The following CIMAP1D variants were observed in gnomAD, a reference collection of about 807,000 sequenced individuals.
The protein encoded by CIMAP1D is CIMAP1 family member D.
chr19:469,220 A>ATG, the CIMAP1D span, among the ~76,000 whole-genome samples: 3 of 147,286 alleles, frequency 2.0e-5, no homozygotes, highest in Non-Finnish European at 3.0e-5. Flanking sequence ...GGCTGGGGAG[A>ATG]TTCTTTTTTT....
the CIMAP1D span, among the ~76,000 whole-genome samples, chr19:482,456 T>C: frequency 6.6e-6 from 1 of 152,062 alleles, no homozygotes; most frequent in East Asian, 1.9e-4. Context: ...GGACCAGGAG[T>C]GCTGATGACA....
the CIMAP1D span, among the ~76,000 whole-genome samples, chr19:468,752 T>A: frequency 0.83 from 121,802 of 147,024 alleles, 50,687 homozygotes; most frequent in East Asian, 0.94. Flanking sequence ...GCACACATGC[T>A]GTACATGTGG....
the CIMAP1D span, among the ~76,000 whole-genome samples, chr19:470,421 C>A: frequency 6.6e-6 from 1 of 151,922 alleles, no homozygotes. Context: ...CCATGTTAGC[C>A]AGGATGGTCT....
chr19:483,599 A>C, the CIMAP1D span, among the ~76,000 whole-genome samples: 1 of 152,194 alleles, frequency 6.6e-6, no homozygotes, highest in Admixed American at 6.5e-5. Flanking sequence ...GGTCGTCACG[A>C]CTGGGGGAGC....
the CIMAP1D span, among the ~76,000 whole-genome samples, chr19:482,288 T>C: frequency 7.2e-3 from 1,103 of 152,302 alleles, 9 homozygotes; most frequent in African/African-American, 0.025. Flanking sequence ...ACAGTTCCAG[T>C]GCTCCAGCGT....
At chr19:466,660 AGGTG>A in the CIMAP1D span, among the ~76,000 whole-genome samples, 3 of 48,748 alleles carry the variant, frequency 6.2e-5, no homozygotes, top group Middle Eastern at 0.013. Flanking sequence ...GTGGGTGGGT[AGGTG>A]GGTGGATGGA....
chr19:463,790 G>C, the CIMAP1D span: 1 of 1,510,670 alleles, frequency 6.6e-7, no homozygotes, highest in South Asian at 1.2e-5. Context: ...CCAAAGCCAG[G>C]CCCCAGGAGA....
the CIMAP1D span, among the ~76,000 whole-genome samples, chr19:468,830 CGCAG>C: frequency 4.5e-5 from 2 of 44,730 alleles, no homozygotes; most frequent in Non-Finnish European, 2.4e-4. Flanking sequence ...GTCCGTGGCA[CGCAG>C]TGTGGCCCAG....
chr19:476,487 G>A, the CIMAP1D span, among the ~76,000 whole-genome samples: 5 of 152,142 alleles, frequency 3.3e-5, no homozygotes, highest in African/African-American at 9.7e-5. Context: ...ACCGTGCCTG[G>A]CCTGCAGTGT....
At chr19:467,057 ATGGGTGGG>A in the CIMAP1D span, among the ~76,000 whole-genome samples, 1 of 43,656 alleles carries the variant, frequency 2.3e-5, no homozygotes, top group Non-Finnish European at 4.0e-5. Context: ...GGATAGATGG[ATGGGTGGG>A]TGGGTGGGTG....
At chr19:482,173 A>AT in the CIMAP1D span, among the ~76,000 whole-genome samples, 1 of 152,192 alleles carries the variant, frequency 6.6e-6, no homozygotes, top group South Asian at 2.1e-4. Context: ...AAATAATATC[A>AT]TTTCTGCATA....
the CIMAP1D span, chr19:472,349 T>G: frequency 9.5e-6 from 11 of 1,159,538 alleles, no homozygotes; most frequent in Non-Finnish European, 1.2e-5. Flanking sequence ...TGGGGGGAGA[T>G]TGGAGGATCA....
chr19:470,207 CTTTT>C, the CIMAP1D span, among the ~76,000 whole-genome samples: 15 of 116,046 alleles, frequency 1.3e-4, no homozygotes, highest in Non-Finnish European at 1.4e-4. Context: ...AGGCTAAGTT[CTTTT>C]TTTTTTTTTT....
the CIMAP1D span, chr19:474,767 C>T: frequency 2.7e-6 from 4 of 1,475,402 alleles, no homozygotes; most frequent in Non-Finnish European, 2.7e-6. Context: ...GCGATGGCCC[C>T]CACAGCACCC....
the CIMAP1D span, chr19:463,900 C>T: frequency 1.2e-6 from 2 of 1,611,304 alleles, no homozygotes; most frequent in Non-Finnish European, 1.7e-6. Context: ...GTGGTGGCGG[C>T]CATGGTGCTG....
chr19:490,091 C>G, the CIMAP1D span: 1 of 397,584 alleles, frequency 2.5e-6, no homozygotes, highest in East Asian at 3.6e-5. Context: ...CGCGTTGGCT[C>G]ACGCCTGTAA....
the CIMAP1D span, chr19:467,657 T>G: frequency 3.1e-6 from 5 of 1,611,002 alleles, no homozygotes; most frequent in East Asian, 8.9e-5. Context: ...ACCCCGAGAC[T>G]TGGCCCGGCC....
chr19:483,532 T>C, the CIMAP1D span, among the ~76,000 whole-genome samples: 2 of 152,158 alleles, frequency 1.3e-5, no homozygotes, highest in Admixed American at 6.5e-5. Context: ...AGACCAGGGG[T>C]TCCCAACCCA....
At chr19:471,982 G>A in the CIMAP1D span, among the ~76,000 whole-genome samples, 1 of 152,154 alleles carries the variant, frequency 6.6e-6, no homozygotes, top group Non-Finnish European at 1.5e-5. Context: ...TCCTGACCTC[G>A]TGATCCGCCT....
Sources: gnomAD v4.1 joint callset for allele counts (sites outside exome capture counted in the v4.1 genomes callset) on GRCh38, gnomAD v4.1.1 for gene constraint, MANE v1.5 for transcripts, NCBI Gene and HGNC (gene_info 2026-07-23, HGNC 2026-07-21) for gene names.